The following BBX variants were observed in gnomAD, a reference collection of about 807,000 sequenced individuals.
BBX encodes the protein HMG box transcription factor BBX.
A neutral mutation model predicts 100.2 loss-of-function variants in BBX; 30 were observed. The ratio of observed to expected loss-of-function variants is 0.30; its 90% CI spans 0.22 to 0.41. The LOEUF (loss-of-function observed/expected upper bound fraction) is 0.41, where lower values mean the gene tolerates loss of function less well. Among genes scored for constraint, BBX ranks in the 10% least tolerant of loss-of-function variants. BBX has a pLI of 1.00. For synonymous variants in BBX, 376 were observed against 388.1 expected (o/e 0.97, Z 0.37); for missense variants, 1,023 against 1,129.8 (o/e 0.91, Z 1.35).
intron 9 of BBX, among the ~76,000 whole-genome samples, chr3:107,748,922 A>T (rs1436936783): frequency 6.6e-6 from 1 of 152,146 alleles, no homozygotes; most frequent in Non-Finnish European, 1.5e-5. Context: ...TGGAATATAA[A>T]ATGATATCCT....
chr3:107,537,854 A>G (rs2048603940), intron 2 of BBX, among the ~76,000 whole-genome samples: 1 of 152,250 alleles, frequency 6.6e-6, no homozygotes, highest in African/African-American at 2.4e-5. Context: ...TCCAGATGCC[A>G]GTGTACTTTA....
At chr3:107,524,402 C>T (rs2047589056) in intron 1 of BBX, 1 of 152,036 alleles carries the variant, frequency 6.6e-6, no homozygotes, top group Non-Finnish European at 1.5e-5. Flanking sequence ...CGCTCACTCA[C>T]CCTCTGAAAT....
intron 9 of BBX, among the ~76,000 whole-genome samples, chr3:107,752,193 TATATAA>T (rs1279471454): frequency 5.9e-5 from 9 of 152,222 alleles, no homozygotes; most frequent in Non-Finnish European, 1.2e-4. Flanking sequence ...TTGCTTTGCC[TATATAA>T]ATATAACTAT....
intron 13 of BBX, among the ~76,000 whole-genome samples, chr3:107,781,630 G>A (rs2067901460): frequency 6.6e-6 from 1 of 151,894 alleles, no homozygotes; most frequent in Admixed American, 6.6e-5. Flanking sequence ...CATTGTTTAC[G>A]AAAGTATTAG....
At chr3:107,774,660 C>T in intron 11 of BBX, 59 bp from the exon 12 acceptor site, 1 of 1,560,746 alleles carries the variant, frequency 6.4e-7, no homozygotes, top group South Asian at 1.2e-5. Context: ...AAGCAACTAA[C>T]ATCATCTCCC....
chr3:107,551,847 T>C (rs1412233605), intron 2 of BBX, among the ~76,000 whole-genome samples: 1 of 152,216 alleles, frequency 6.6e-6, no homozygotes, highest in African/African-American at 2.4e-5. Flanking sequence ...AATTGAAATA[T>C]TTTAAAATTC....
chr3:107,798,092 A>G (rs992274887), intron 15 of BBX, among the ~76,000 whole-genome samples: 2 of 152,224 alleles, frequency 1.3e-5, no homozygotes, highest in Non-Finnish European at 2.9e-5. Context: ...ATATAAATTT[A>G]AGAAGGACAT....
chr3:107,623,365 C>T (rs1361561927), intron 2 of BBX, among the ~76,000 whole-genome samples: 2 of 152,140 alleles, frequency 1.3e-5, no homozygotes, highest in Non-Finnish European at 2.9e-5. Context: ...TTCTTTCTAC[C>T]TCCACAGAAA....
intron 16 of BBX, among the ~76,000 whole-genome samples, chr3:107,799,129 G>A (rs531497145): frequency 1.3e-3 from 204 of 151,144 alleles, no homozygotes; most frequent in African/African-American, 4.7e-3. Context: ...CAGCCTGGGC[G>A]ACAGAGTGAG....
intron 5 of BBX, among the ~76,000 whole-genome samples, chr3:107,725,297 G>A (rs1406829842): frequency 6.6e-6 from 1 of 152,128 alleles, no homozygotes; most frequent in Non-Finnish European, 1.5e-5. Context: ...ATCAGCTTAA[G>A]GAGATTTTGG....
intron 16 of BBX, among the ~76,000 whole-genome samples, chr3:107,798,974 C>T (rs1243570801): frequency 4.6e-5 from 7 of 151,566 alleles, no homozygotes; most frequent in Non-Finnish European, 8.8e-5. Flanking sequence ...CACTGTGAAA[C>T]CCCATCTCTA....
At chr3:107,542,465 C>T (rs1276928933) in intron 2 of BBX, among the ~76,000 whole-genome samples, 1 of 152,126 alleles carries the variant, frequency 6.6e-6, no homozygotes, top group Non-Finnish European at 1.5e-5. Flanking sequence ...TTGAAGAGAG[C>T]ATATAGAGAT....
intron 2 of BBX, among the ~76,000 whole-genome samples, chr3:107,608,143 A>C (rs939059155): frequency 1.3e-5 from 2 of 152,060 alleles, no homozygotes; most frequent in African/African-American, 4.8e-5. Flanking sequence ...GCCCACTCCA[A>C]AGTCCTGGCA....
chr3:107,750,538 A>T (rs1462068582), intron 9 of BBX, among the ~76,000 whole-genome samples: 1 of 152,146 alleles, frequency 6.6e-6, no homozygotes, highest in Non-Finnish European at 1.5e-5. Context: ...TTTAGCTGTA[A>T]ATGTTATATG....
chr3:107,587,106 A>G (rs1049323814), intron 2 of BBX, among the ~76,000 whole-genome samples: 2 of 152,140 alleles, frequency 1.3e-5, no homozygotes, highest in Non-Finnish European at 2.9e-5. Context: ...ATTTAAAAAT[A>G]TATTCTACCA....
chr3:107,742,722 CAT>C (rs1355577446), intron 7 of BBX, among the ~76,000 whole-genome samples: 5 of 152,134 alleles, frequency 3.3e-5, no homozygotes, highest in South Asian at 2.1e-4. Context: ...TAAGCACAAA[CAT>C]GTGTAGACTT....
At chr3:107,763,294 G>A (rs538684000) in intron 10 of BBX, among the ~76,000 whole-genome samples, 54 of 150,120 alleles carry the variant, frequency 3.6e-4, no homozygotes, top group African/African-American at 1.1e-3. Context: ...GCGCGATCTC[G>A]GCTCACTGCA....
intron 5 of BBX, 138 bp downstream of exon 5, chr3:107,716,987 C>T (rs1188406645): frequency 2.5e-5 from 28 of 1,127,660 alleles, no homozygotes; most frequent in Non-Finnish European, 2.9e-5. Flanking sequence ...AAAAACATAA[C>T]CGCTTTCTTT....
At chr3:107,547,432 A>C (rs1010475325) in intron 2 of BBX, among the ~76,000 whole-genome samples, 1 of 152,168 alleles carries the variant, frequency 6.6e-6, no homozygotes, top group Non-Finnish European at 1.5e-5. Context: ...GTAAATGAGC[A>C]TTCATGAATG....
Sources: gnomAD v4.1 joint callset for allele counts (sites outside exome capture counted in the v4.1 genomes callset) on GRCh38, gnomAD v4.1.1 for gene constraint, MANE v1.5 for transcripts, NCBI Gene and HGNC (gene_info 2026-07-23, HGNC 2026-07-21) for gene names.